Variants in SIPA1L1 observed in about 807,000 individuals in gnomAD.
The protein encoded by SIPA1L1 is signal induced proliferation associated 1 like 1.
A neutral mutation model predicts 162.7 loss-of-function variants in SIPA1L1; 26 were observed. That is an observed-to-expected ratio of 0.16 (90% CI 0.12 to 0.22). The LOEUF (loss-of-function observed/expected upper bound fraction) is 0.22. SIPA1L1 is among the 10% of genes least tolerant of loss of function. The probability of loss-of-function intolerance (pLI) is 1.00; values close to 1 mark genes in which losing one functional copy is unlikely to be tolerated. For synonymous variants in SIPA1L1, 829 were observed against 837.4 expected (o/e 0.99, Z 0.17); for missense variants, 1,874 against 2,241.0 (o/e 0.84, Z 3.31).
intron 19 of SIPA1L1, 124 bp downstream of exon 19, chr14:71,724,959 C>T (rs1455146640): frequency 6.3e-6 from 5 of 795,370 alleles, no homozygotes; most frequent in Admixed American, 5.2e-5. Context: ...GTCTCACTTC[C>T]TGCTATCATC....
At chr14:71,717,155 C>T (rs776413338) in intron 17 of SIPA1L1, among the ~76,000 whole-genome samples, 2 of 152,210 alleles carry the variant, frequency 1.3e-5, no homozygotes, top group African/African-American at 4.8e-5. Flanking sequence ...ACCTCGGCCT[C>T]CCAAAGTGCT....
chr14:71,531,931 C>A (rs946629200), intron 4 of SIPA1L1, among the ~76,000 whole-genome samples: 1 of 152,094 alleles, frequency 6.6e-6, no homozygotes, highest in Non-Finnish European at 1.5e-5. Context: ...TAGTCAGTTC[C>A]ATTCAAAAAT....
intron 20 of SIPA1L1, among the ~76,000 whole-genome samples, chr14:71,731,448 A>C (rs2084771424): frequency 6.6e-6 from 1 of 152,164 alleles, no homozygotes; most frequent in African/African-American, 2.4e-5. Context: ...ACTTTTTGTC[A>C]CCAGACTCCA....
At chr14:71,668,354 T>G (rs749040247) in intron 10 of SIPA1L1, among the ~76,000 whole-genome samples, 1 of 152,130 alleles carries the variant, frequency 6.6e-6, no homozygotes, top group East Asian at 1.9e-4. Context: ...CAATCCTGGC[T>G]CTCTCTAACA....
chr14:71,422,365 C>A (rs549450006), intron 2 of SIPA1L1, among the ~76,000 whole-genome samples: 8 of 152,076 alleles, frequency 5.3e-5, no homozygotes, highest in African/African-American at 1.7e-4. Context: ...CCGTACAGTT[C>A]GTTGGTATTA....
At chr14:71,591,828 T>G (rs1331828505) in intron 5 of SIPA1L1, among the ~76,000 whole-genome samples, 1 of 152,148 alleles carries the variant, frequency 6.6e-6, no homozygotes, top group Non-Finnish European at 1.5e-5. Flanking sequence ...TTTCATAAAT[T>G]TTTTCTCATT....
intron 4 of SIPA1L1, among the ~76,000 whole-genome samples, chr14:71,543,950 T>C (rs111671818): frequency 0.013 from 1,946 of 150,034 alleles, 18 homozygotes; most frequent in Middle Eastern, 0.028. Flanking sequence ...TATATACATA[T>C]ACGCACATGT....
intron 2 of SIPA1L1, among the ~76,000 whole-genome samples, chr14:71,355,009 A>G (rs1273229428): frequency 2.0e-5 from 3 of 152,184 alleles, no homozygotes; most frequent in Non-Finnish European, 4.4e-5. Context: ...GAGACAATGC[A>G]TACTTGTGCT....
intron 2 of SIPA1L1, among the ~76,000 whole-genome samples, chr14:71,468,040 GTGTGTGTC>G (rs1337257712): frequency 4.0e-5 from 6 of 150,898 alleles, no homozygotes; most frequent in Non-Finnish European, 5.9e-5. Flanking sequence ...GTGTGTGTGT[GTGTGTGTC>G]TGTCTGTGTC....
intron 7 of SIPA1L1, among the ~76,000 whole-genome samples, chr14:71,627,131 CTTTTTTTTTTTTTTTTTTTTTT>C (rs71105788): frequency 2.0e-3 from 99 of 48,788 alleles, no homozygotes; most frequent in Admixed American, 5.4e-3. Context: ...ACTTTCACTA[CTTTTTTTTTTTTTTTTTTTTTT>C]TTTTTTTTTT....
chr14:71,327,387 A>G (rs770233170), intron 2 of SIPA1L1, among the ~76,000 whole-genome samples: 8 of 151,938 alleles, frequency 5.3e-5, no homozygotes, highest in Non-Finnish European at 8.8e-5. Flanking sequence ...CTGAACCTCT[A>G]TTTTTACATT....
At chr14:71,707,133 A>ACG (rs947064600) in intron 16 of SIPA1L1, among the ~76,000 whole-genome samples, 14 of 150,772 alleles carry the variant, frequency 9.3e-5, no homozygotes, top group African/African-American at 3.4e-4. Context: ...ACACACACGC[A>ACG]CGCACACACA....
At chr14:71,670,182 A>G (rs1323848593) in intron 10 of SIPA1L1, among the ~76,000 whole-genome samples, 1 of 152,240 alleles carries the variant, frequency 6.6e-6, no homozygotes, top group East Asian at 1.9e-4. Flanking sequence ...GAAATGATAT[A>G]AAACACTCAA....
chr14:71,439,135 A>T (rs981954700), intron 2 of SIPA1L1, among the ~76,000 whole-genome samples: 1 of 152,224 alleles, frequency 6.6e-6, no homozygotes, highest in Non-Finnish European at 1.5e-5. Context: ...GGAGGGCAAC[A>T]CAAAGGATGG....
chr14:71,371,446 G>A (rs944750268), intron 2 of SIPA1L1, among the ~76,000 whole-genome samples: 20 of 152,124 alleles, frequency 1.3e-4, no homozygotes, highest in African/African-American at 4.6e-4. Flanking sequence ...GGAGTGCAGT[G>A]GTGTGATCTC....
At chr14:71,475,634 G>A (rs967351677) in intron 2 of SIPA1L1, among the ~76,000 whole-genome samples, 3 of 152,262 alleles carry the variant, frequency 2.0e-5, no homozygotes, top group Admixed American at 6.5e-5. Context: ...AAAATTATCC[G>A]TAGCTTCTCC....
intron 7 of SIPA1L1, among the ~76,000 whole-genome samples, chr14:71,646,484 CTG>C (rs2042182075): frequency 6.6e-6 from 1 of 152,150 alleles, no homozygotes; most frequent in Admixed American, 6.5e-5. Context: ...TTTCTTAACT[CTG>C]TGTTAAAGTG....
At chr14:71,727,890 G>A (rs563636924) in intron 19 of SIPA1L1, among the ~76,000 whole-genome samples, 2 of 152,178 alleles carry the variant, frequency 1.3e-5, no homozygotes, top group Non-Finnish European at 2.9e-5. Flanking sequence ...GAACGCCTTC[G>A]GGGTAGGTTG....
At chr14:71,556,675 G>A (rs896631340) in intron 4 of SIPA1L1, among the ~76,000 whole-genome samples, 1 of 152,000 alleles carries the variant, frequency 6.6e-6, no homozygotes, top group South Asian at 2.1e-4. Context: ...CGGAGCTTCC[G>A]TGCCCTCCTT....
Sources: allele counts gnomAD v4.1 joint callset (sites outside exome capture counted in the v4.1 genomes callset), GRCh38; gene constraint gnomAD v4.1.1; transcripts MANE v1.5; gene names NCBI Gene and HGNC (gene_info 2026-07-23, HGNC 2026-07-21).